AGAP1: variants seen among roughly 807,000 people sequenced by gnomAD.
AGAP1 encodes arf-GAP with GTPase, ANK repeat and PH domain-containing protein 1.
Under a neutral mutation model 105.3 loss-of-function variants are expected in AGAP1, and 29 were observed. That is an observed-to-expected ratio of 0.28 (90% CI 0.21 to 0.38). The LOEUF (loss-of-function observed/expected upper bound fraction) is 0.38. Among genes scored for constraint, AGAP1 ranks in the 10% least tolerant of loss-of-function variants. The probability of loss-of-function intolerance (pLI) is 1.00; values close to 1 mark genes in which losing one functional copy is unlikely to be tolerated. For missense variants in AGAP1, 998 were observed against 1,165.1 expected (o/e 0.86, Z 2.09); for synonymous variants, 509 against 485.9 (o/e 1.05, Z -0.63).
Position 235,615,903 on chromosome 2 carries a change from A to G in AGAP1, c.164-93276A>G, listed in dbSNP as rs146632774. Among the ~76,000 whole-genome samples the G allele has an allele frequency of 4.9e-3, 753 of 152,354 alleles. 5 individuals carry two copies. Among genetic ancestry groups the G allele is most frequent in the Non-Finnish European group, 4.3e-3 (291 of 68,040 alleles). ...AAAGACCAACAAAAATATGTATTAC[A>G]TATAGAGCATTGTCTTCTATATGTA... On this transcript the variant is annotated intron_variant, in intron 1 of 17. Transcript: ENST00000304032. The surrounding 1 kb of genome is among the most constrained non-coding windows in gnomAD (Gnocchi z 5.0).
At chr2:235,653,450 C>T (rs1024034625) in intron 1 of AGAP1, among the ~76,000 whole-genome samples, 31 of 151,406 alleles carry the variant, frequency 2.0e-4, no homozygotes, top group African/African-American at 6.8e-4. Flanking sequence ...GGCGAAAGAG[C>T]GAAGCCTCCA....
chr2:235,637,081 C>G (rs1171720449), intron 1 of AGAP1, among the ~76,000 whole-genome samples: 2 of 152,128 alleles, frequency 1.3e-5, no homozygotes, highest in African/African-American at 4.8e-5. Flanking sequence ...GTTTCTGAAG[C>G]CACTCAGATT....
At chr2:235,676,825 GTT>G (rs1948763958) in intron 1 of AGAP1, among the ~76,000 whole-genome samples, 1 of 152,158 alleles carries the variant, frequency 6.6e-6, no homozygotes, top group Non-Finnish European at 1.5e-5. Flanking sequence ...ATGAAAAAAA[GTT>G]ATAGTTATTG....
Position 235,504,951 on chromosome 2 carries a change from C to A in AGAP1, c.163+10102C>A, listed in dbSNP as rs75423673. On this transcript the variant is annotated intron_variant, in intron 1 of 17. Transcript: ENST00000304032. ...GAGCTGTGTGAGCGAAATCCCTCAC[C>A]AGGAAGAGGGCGCAGTTCCTCTGGG... 6.6e-4 allele frequency among the ~76,000 whole-genome samples: 101 copies of A among 152,270 alleles called. 1 individual carries two copies. Among genetic ancestry groups the A allele is most frequent in the African/African-American group, 2.3e-3 (94 of 41,566 alleles).
intron 16 of AGAP1, among the ~76,000 whole-genome samples, chr2:236,057,560 T>C (rs10203232): frequency 0.31 from 46,493 of 150,876 alleles, 8,160 homozygotes; most frequent in African/African-American, 0.47. Context: ...AGCCCCCCCC[T>C]CAACCCCCGT....
intron 16 of AGAP1, among the ~76,000 whole-genome samples, chr2:236,059,964 A>C (rs776581398): frequency 9.2e-5 from 14 of 152,162 alleles, no homozygotes; most frequent in Non-Finnish European, 1.9e-4. Context: ...GGTGGCATGC[A>C]CCTGTAACGC....
rs1233978535 is a variant in AGAP1, at chr2:235,700,887, A to T, written c.164-8292A>T. On this transcript the variant is annotated intron_variant, in intron 1 of 17. Coordinates refer to ENST00000304032, the MANE Select transcript of AGAP1 (RefSeq NM_001037131.3). This position sits in a 1 kb window ranked among gnomAD's most constrained non-coding sequence, Gnocchi z 6.1. Reference sequence around the variant, plus strand: ...TCTACATAGTATATATTTATAATATATGTATATAATGTATAATATATGCAT... The same window carrying T: ...TCTACATAGTATATATTTATAATATTTGTATATAATGTATAATATATGCAT... 6.8e-6 allele frequency among the ~76,000 whole-genome samples: 1 copy of T among 147,896 alleles called. No homozygotes were observed. The highest frequency in any genetic ancestry group is 1.5e-5 in the Non-Finnish European group (1 of 67,270).
chr2:235,709,603 C>T (rs969702133), intron 2 of AGAP1, among the ~76,000 whole-genome samples: 1 of 151,866 alleles, frequency 6.6e-6, no homozygotes, highest in African/African-American at 2.4e-5. Context: ...CACACACACA[C>T]CCCCATGGAT....
rs888684743 is a variant in AGAP1 at position 235,660,589 on chromosome 2, T to C, written c.164-48590T>C. ...GGGTCAGGGCCAGCAGGGAAAGAGCTTGGGGACTCCTGAGTCCAGCTCCCA... is the reference window on the plus strand; with the variant it reads ...GGGTCAGGGCCAGCAGGGAAAGAGCCTGGGGACTCCTGAGTCCAGCTCCCA... On this transcript the variant is annotated intron_variant, in intron 1 of 17. Coordinates refer to ENST00000304032, the MANE Select transcript of AGAP1 (RefSeq NM_001037131.3). The surrounding 1 kb of genome is among the most constrained non-coding windows in gnomAD (Gnocchi z 5.3). 3.3e-5 allele frequency among the ~76,000 whole-genome samples: 5 copies of C among 151,952 alleles called. No individual in the cohort carries two copies. The highest frequency in any genetic ancestry group is 1.2e-4 in the African/African-American group (5 of 41,352).
intron 1 of AGAP1, among the ~76,000 whole-genome samples, chr2:235,681,461 C>T (rs1949069333): frequency 6.6e-6 from 1 of 152,156 alleles, no homozygotes; most frequent in Non-Finnish European, 1.5e-5. Flanking sequence ...TTTCCTCCAG[C>T]TGGTGAACCA....
chr2:235,748,711 AATATACTTCAAAAAATG>A (rs1953173119), intron 5 of AGAP1, among the ~76,000 whole-genome samples: 1 of 152,212 alleles, frequency 6.6e-6, no homozygotes, highest in African/African-American at 2.4e-5. Flanking sequence ...TCACTTTTTA[AATATACTTCAAAAAATG>A]AAGTTCTCAA....
chr2:235,999,787 G>A (rs1452721632), intron 13 of AGAP1, among the ~76,000 whole-genome samples: 1 of 152,052 alleles, frequency 6.6e-6, no homozygotes, highest in African/African-American at 2.4e-5. Context: ...AGCAGGAGAT[G>A]AGGAACCTGT....
intron 9 of AGAP1, among the ~76,000 whole-genome samples, chr2:235,810,210 A>G (rs1958059770): frequency 6.6e-6 from 1 of 152,218 alleles, no homozygotes; most frequent in Admixed American, 6.5e-5. Flanking sequence ...TCCAGGGATA[A>G]CACAGCCCTG....
intron 1 of AGAP1, among the ~76,000 whole-genome samples, chr2:235,661,257 C>T (rs1947939459): frequency 6.6e-6 from 1 of 151,858 alleles, no homozygotes; most frequent in South Asian, 2.1e-4. Flanking sequence ...TTGTTGAGGG[C>T]TGGAGGGAGG....
chr2:235,697,447 A>G (rs1051480082), intron 1 of AGAP1, among the ~76,000 whole-genome samples: 9 of 152,190 alleles, frequency 5.9e-5, no homozygotes, highest in Non-Finnish European at 8.8e-5. Context: ...ATCCCCGATG[A>G]AGCAATGCTT....
chr2:236,040,505 C>T lies in AGAP1; in HGVS notation c.1801-246C>T. 1 of 530,838 alleles carries T rather than the reference C, an allele frequency of 1.9e-6. No individual in the cohort carries two copies. The highest frequency in any genetic ancestry group is 3.1e-5 in the Admixed American group (1 of 31,910). The allele number at this position is 530,838 out of a possible 1,614,324, so 32.9% of individuals were successfully genotyped here. A position where few individuals can be genotyped will look rare whatever the true frequency, so the allele number is the denominator to read the frequency against. ...CCAGAACTCTCCTCTTTGCTCATTT[C>T]TGGCAGAGTCCGTCTCAGCTGATGA... On this transcript the variant is annotated intron_variant, in intron 14 of 17. Coordinates refer to ENST00000304032, the MANE Select transcript of AGAP1 (RefSeq NM_001037131.3). This position sits in a 1 kb window ranked among gnomAD's most constrained non-coding sequence, Gnocchi z 5.6.
At chr2:235,604,584 TTTTTTTTTTTTTTTTTG>T (rs1455767096) in intron 1 of AGAP1, among the ~76,000 whole-genome samples, 1 of 110,096 alleles carries the variant, frequency 9.1e-6, no homozygotes, top group Admixed American at 8.4e-5. Flanking sequence ...TTTTTTTTTT[TTTTTTTTTTTTTTTTTG>T]AGATGGAGTC....
In AGAP1 at chr2:236,124,444, G is replaced by A. The variant is rs1244980597; in HGVS notation, c.*322G>A. Reference sequence around the variant, plus strand: ...CTTGTCCTGGTGGCACAAGGGATGGGGACGCGAGGGGGAGGGGAGGCGAGG... The same window carrying A: ...CTTGTCCTGGTGGCACAAGGGATGGAGACGCGAGGGGGAGGGGAGGCGAGG... On this transcript the variant is annotated 3_prime_UTR_variant, in exon 18 of 18. Transcript: ENST00000304032. This position sits in a 1 kb window ranked among gnomAD's most constrained non-coding sequence, Gnocchi z 5.1. The A allele has an allele frequency of 1.1e-5, 4 of 359,796 alleles. No homozygotes were observed. The highest frequency in any genetic ancestry group is 2.1e-5 in the Non-Finnish European group (4 of 194,458). 22.3% of individuals were successfully genotyped at this position (359,796 alleles called of 1,614,324 possible). A position where few individuals can be genotyped will look rare whatever the true frequency, so the allele number is the denominator to read the frequency against.
At chr2:235,731,156 G>A (rs1297401470) in intron 3 of AGAP1, among the ~76,000 whole-genome samples, 4 of 152,236 alleles carry the variant, frequency 2.6e-5, no homozygotes, top group Non-Finnish European at 2.9e-5. Flanking sequence ...TGACCAAGAT[G>A]TTCTTGACCT....
Sources: gnomAD v4.1 joint callset for allele counts (sites outside exome capture counted in the v4.1 genomes callset) on GRCh38, gnomAD v4.1.1 for gene constraint, Gnocchi (gnomAD v3.1) non-coding constraint, MANE v1.5 for transcripts, NCBI Gene and HGNC (gene_info 2026-07-23, HGNC 2026-07-21) for gene names.